ALDH18A1: variants seen among roughly 807,000 people sequenced by gnomAD.
The protein encoded by ALDH18A1 is aldehyde dehydrogenase 18 family member A1.
ALDH18A1 carries 44 observed loss-of-function variants against 88.8 expected under a neutral mutation model. The ratio of observed to expected loss-of-function variants is 0.50; its 90% CI spans 0.39 to 0.64. ALDH18A1 has a LOEUF of 0.64. ALDH18A1 is among the 30% of genes least tolerant of loss of function. The pLI is 0.00. For missense variants in ALDH18A1, 782 were observed against 1,009.5 expected, an observed-to-expected ratio of 0.77 and a Z score of 3.05; for synonymous variants, 331 against 372.1, an observed-to-expected ratio of 0.89 and a Z score of 1.27.
Position 95,628,503 on chromosome 10 carries a change from G to A in ALDH18A1, c.809-11C>T. On this transcript the variant is annotated splice_polypyrimidine_tract_variant and intron_variant, in intron 7 of 17. Coordinates refer to ENST00000371224, the MANE Select transcript of ALDH18A1 (RefSeq NM_002860.4). ...GGCTGTCAAAAAGGCCTAAAAAATA[G>A]ACAAGAGTCAGTAATACTGCTTTGA... The A allele has an allele frequency of 6.2e-7, 1 of 1,611,996 alleles. No individual in the cohort carries two copies. The highest frequency in any genetic ancestry group is 1.3e-5 in the African/African-American group (1 of 75,034).
Position 95,628,353 on chromosome 10 carries a change from G to A in ALDH18A1, c.933+15C>T. 6.2e-7 allele frequency: 1 copy of A among 1,614,034 alleles called. No individual in the cohort carries two copies. The highest frequency in any genetic ancestry group is 8.5e-7 in the Non-Finnish European group (1 of 1,179,940). ...TTTAAAATTGTTATAGGCAGTTAAG[G>A]CACCAGATTCTTACCTTGGCTTCCA... On this transcript the variant is annotated intron_variant, in intron 8 of 17. Coordinates refer to ENST00000371224, the MANE Select transcript of ALDH18A1 (RefSeq NM_002860.4).
rs560598479 is a variant in ALDH18A1 at position 95,616,493 on chromosome 10, T to G, written c.1589A>C (p.Lys530Thr). 21 of 1,569,594 alleles carry G rather than the reference T, an allele frequency of 1.3e-5. No homozygotes were observed. In the Admixed American group the frequency reaches 2.9e-4, roughly 21 times the overall value. ...TQEALSIHGV[K>T]EAVQLVNTRE... is the part of the protein sequence containing the mutation. The stretch of plus-strand genomic sequence containing the variant: ...GGGACCTACCAGTTGCACGGCCTCC[T>G]TGACTCCATGGATTGAGAGAGCCTC... The change falls in exon 13 of 18, where the codon AAG becomes ACG. Residue 530 changes from lysine to threonine, a missense_variant. Transcript: ENST00000371224.
intron 3 of ALDH18A1, among the ~76,000 whole-genome samples, chr10:95,639,833 AT>A (rs1254459015): frequency 6.6e-6 from 1 of 151,084 alleles, no homozygotes; most frequent in East Asian, 1.9e-4. Flanking sequence ...ATTCTTTAGG[AT>A]TTCCCAGCCT....
At chr10:95,649,666 T>C (rs1368497554) in intron 2 of ALDH18A1, among the ~76,000 whole-genome samples, 1 of 152,008 alleles carries the variant, frequency 6.6e-6, no homozygotes, top group Non-Finnish European at 1.5e-5. Context: ...AAAAACTTTT[T>C]AAAAAATTAA....
At chr10:95,649,548 G>A (rs1457627229) in intron 2 of ALDH18A1, among the ~76,000 whole-genome samples, 1 of 151,576 alleles carries the variant, frequency 6.6e-6, no homozygotes, top group East Asian at 1.9e-4. Context: ...GTACAGACGG[G>A]GTTTCACTGT....
chr10:95,621,125 G>A lies in ALDH18A1; in HGVS notation c.1373C>T (p.Thr458Ile). 6.2e-7 allele frequency: 1 copy of A among 1,614,018 alleles called. No individual in the cohort carries two copies. Residue 458 changes from threonine to isoleucine, a missense_variant, in exon 12 of 18, where the codon ACC (threonine) becomes ATC (isoleucine). By Grantham distance (89) the Thr-to-Ile change is moderately conservative. Transcript: ENST00000371224. ...CAGTTCCAAGTTTTTGGCGATTCGGGTGCGGCGCAAAACACGTCCCACGCT... is the reference window on the plus strand; with the variant it reads ...CAGTTCCAAGTTTTTGGCGATTCGGATGCGGCGCAAAACACGTCCCACGCT... ...QDSVGRVLRR[T>I]RIAKNLELEQ... is the part of the protein sequence containing the mutation.
rs375651818 is a variant in ALDH18A1, at chr10:95,642,972, A to G, written c.303+20T>C. 1.9e-6 allele frequency: 3 copies of G among 1,612,228 alleles called. No individual in the cohort carries two copies. The highest frequency in any genetic ancestry group is 2.5e-6 in the Non-Finnish European group (3 of 1,179,738). On this transcript the variant is annotated intron_variant, in intron 3 of 17. Transcript: ENST00000371224. ...AAAAACCCAATTTTAGTACAGCATA[A>G]TTTCTATCTTGGCAATCACCTGCTC...
Position 95,625,480 on chromosome 10 carries a change from A to G in ALDH18A1, c.1153-25T>C, listed in dbSNP as rs554598542. ...TCTAGAAGAAAGGTACACCATTAAA[A>G]AAACAGAGATGTTAATCCAAGAAGA... On this transcript the variant is annotated intron_variant, in intron 10 of 17. Coordinates refer to ENST00000371224, the MANE Select transcript of ALDH18A1 (RefSeq NM_002860.4). 102 of 1,592,988 alleles carry G rather than the reference A, an allele frequency of 6.4e-5. No individual in the cohort carries two copies. The African/African-American group carries it at 1.1e-3, about 18-fold the overall frequency.
At chr10:95,632,237 G>A (rs2139605661) in intron 7 of ALDH18A1, among the ~76,000 whole-genome samples, 1 of 152,314 alleles carries the variant, frequency 6.6e-6, no homozygotes, top group East Asian at 1.9e-4. Context: ...GGGTAGAAGT[G>A]GGGAGTGACT....
chr10:95,621,644 G>C (rs1053460484), intron 11 of ALDH18A1, among the ~76,000 whole-genome samples: 1 of 152,056 alleles, frequency 6.6e-6, no homozygotes, highest in Non-Finnish European at 1.5e-5. Flanking sequence ...TACTGAACAT[G>C]TGGGACTGCA....
chr10:95,628,826 G>C (rs1201743982), intron 7 of ALDH18A1: 3 of 354,094 alleles, frequency 8.5e-6, no homozygotes, highest in Non-Finnish European at 1.6e-5. Flanking sequence ...ATGATGCTGT[G>C]CTTTAAGGAC....
In ALDH18A1 at chr10:95,606,481, G is replaced by A; in HGVS notation, c.*281C>T. The A allele has an allele frequency of 7.8e-7, 1 of 1,276,954 alleles. No individual in the cohort carries two copies. Among genetic ancestry groups the A allele is most frequent in the Non-Finnish European group, 1.0e-6 (1 of 1,003,714 alleles). 79.1% of individuals were successfully genotyped at this position (1,276,954 alleles called of 1,614,324 possible). On this transcript the variant is annotated 3_prime_UTR_variant, in exon 18 of 18. Coordinates refer to ENST00000371224, the MANE Select transcript of ALDH18A1 (RefSeq NM_002860.4). ...CATGGGTTTTCCTCGCCTTTTTTAT[G>A]GGGAAAATGCACCTTTCAATCCTAG...
At chr10:95,654,713 A>T (rs760277133) in intron 1 of ALDH18A1, among the ~76,000 whole-genome samples, 3 of 151,020 alleles carry the variant, frequency 2.0e-5, no homozygotes, top group Non-Finnish European at 4.4e-5. Context: ...TCTAGTAGGC[A>T]ACAGAAAGTA....
intron 3 of ALDH18A1, among the ~76,000 whole-genome samples, chr10:95,641,590 T>A (rs1450632884): frequency 6.6e-6 from 1 of 151,802 alleles, no homozygotes; most frequent in Non-Finnish European, 1.5e-5. Flanking sequence ...CACAGTTCAC[T>A]GCAACCTTGA....
chr10:95,616,835 G>T (rs571090744), intron 12 of ALDH18A1: 39 of 630,324 alleles, frequency 6.2e-5, no homozygotes, highest in African/African-American at 5.5e-4. Context: ...ATGACTCCCC[G>T]AAGTCACACA....
chr10:95,613,905 C>T, intron 14 of ALDH18A1, 42 bp from the exon 15 acceptor site: 1 of 1,614,154 alleles, frequency 6.2e-7, no homozygotes, highest in Non-Finnish European at 8.5e-7. Flanking sequence ...TTGACATGAT[C>T]CAGAGCTGCA....
intron 2 of ALDH18A1, among the ~76,000 whole-genome samples, chr10:95,645,388 T>C (rs560629308): frequency 3.1e-4 from 47 of 152,348 alleles, no homozygotes; most frequent in Admixed American, 9.8e-4. Context: ...ATCACTTCCC[T>C]TTATATTGTC....
intron 17 of ALDH18A1, among the ~76,000 whole-genome samples, chr10:95,608,256 C>T (rs2097826497): frequency 6.6e-6 from 1 of 152,194 alleles, no homozygotes; most frequent in Admixed American, 6.5e-5. Context: ...CTGGGTGCCC[C>T]AGCCCTTAAA....
intron 3 of ALDH18A1, among the ~76,000 whole-genome samples, chr10:95,641,922 G>A (rs920673360): frequency 3.8e-4 from 58 of 152,074 alleles, no homozygotes; most frequent in African/African-American, 1.4e-3. Context: ...GATTACAGGC[G>A]CAAGTCACCA....
Sources: gnomAD v4.1 joint callset for allele counts (sites outside exome capture counted in the v4.1 genomes callset) on GRCh38, gnomAD v4.1.1 for gene constraint, MANE v1.5 for transcripts, NCBI Gene and HGNC (gene_info 2026-07-23, HGNC 2026-07-21) for gene names.